TAFA4: variants seen among roughly 807,000 people sequenced by gnomAD.
The protein encoded by TAFA4 is chemokine-like protein TAFA-4.
TAFA4 carries 20 observed loss-of-function variants against 21.1 expected under a neutral mutation model. The observed-to-expected ratio is 0.95, with a 90% CI of 0.67 to 1.38. TAFA4 has a LOEUF of 1.38. Ranked by LOEUF, TAFA4 falls within the 40% of genes most tolerant of loss-of-function variation. The pLI is 0.00. For synonymous variants in TAFA4, 71 were observed against 67.4 expected (o/e 1.05, Z -0.26); for missense variants, 211 against 180.9 (o/e 1.17, Z -0.95).
At chr3:68,841,570 A>T (rs1238488713) in intron 3 of TAFA4, among the ~76,000 whole-genome samples, 1 of 151,710 alleles carries the variant, frequency 6.6e-6, no homozygotes, top group Non-Finnish European at 1.5e-5. Context: ...ATTTTTTTTT[A>T]ATTATACTTT....
At chr3:68,896,372 A>G (rs940836203) in intron 1 of TAFA4, among the ~76,000 whole-genome samples, 6 of 152,154 alleles carry the variant, frequency 3.9e-5, no homozygotes, top group African/African-American at 1.4e-4. Flanking sequence ...TCCAAGCAAG[A>G]GATGGTGATG....
At chr3:68,864,389 A>C (rs1350545433) in intron 3 of TAFA4, among the ~76,000 whole-genome samples, 1 of 152,154 alleles carries the variant, frequency 6.6e-6, no homozygotes, top group African/African-American at 2.4e-5. Flanking sequence ...TTAAATCTGC[A>C]ATATGATATC....
At chr3:68,772,969 T>C (rs1702986234) in intron 3 of TAFA4, among the ~76,000 whole-genome samples, 1 of 152,188 alleles carries the variant, frequency 6.6e-6, no homozygotes, top group Non-Finnish European at 1.5e-5. Context: ...CCAAATGACT[T>C]TTTCTGTTAA....
At chr3:68,881,707 T>C (rs897778412) in intron 2 of TAFA4, among the ~76,000 whole-genome samples, 5 of 152,172 alleles carry the variant, frequency 3.3e-5, no homozygotes, top group Non-Finnish European at 5.9e-5. Context: ...ATTACCACAA[T>C]GGATCAAAGA....
chr3:68,828,355 T>C (rs1704302343), intron 3 of TAFA4, among the ~76,000 whole-genome samples: 1 of 152,228 alleles, frequency 6.6e-6, no homozygotes, highest in African/African-American at 2.4e-5. Flanking sequence ...GTCTTGCCTA[T>C]ACAGGGTCTT....
chr3:68,778,069 A>G (rs1280779608), intron 3 of TAFA4, among the ~76,000 whole-genome samples: 1 of 152,202 alleles, frequency 6.6e-6, no homozygotes, highest in African/African-American at 2.4e-5. Flanking sequence ...TTAAATGTAA[A>G]TCATTTACAC....
intron 3 of TAFA4, among the ~76,000 whole-genome samples, chr3:68,782,933 C>T (rs1468266711): frequency 6.6e-6 from 1 of 152,030 alleles, no homozygotes; most frequent in Admixed American, 6.5e-5. Flanking sequence ...TCATTTCCAG[C>T]AGTATATAAA....
At chr3:68,798,795 TAAAACC>T (rs1352339184) in intron 3 of TAFA4, among the ~76,000 whole-genome samples, 22 of 152,236 alleles carry the variant, frequency 1.4e-4, no homozygotes, top group African/African-American at 5.3e-4. Context: ...ACATACAAGA[TAAAACC>T]ATCAACTAAC....
chr3:68,828,099 G>T (rs955188437), intron 3 of TAFA4, among the ~76,000 whole-genome samples: 3 of 152,028 alleles, frequency 2.0e-5, no homozygotes, highest in Admixed American at 6.6e-5. Context: ...TCTACATATG[G>T]CTAGTTTTCA....
chr3:68,839,977 G>A (rs1487922862), intron 3 of TAFA4, among the ~76,000 whole-genome samples: 2 of 152,180 alleles, frequency 1.3e-5, no homozygotes, highest in Non-Finnish European at 2.9e-5. Context: ...GCTTTAGAGA[G>A]AAATGTGGCT....
intron 3 of TAFA4, among the ~76,000 whole-genome samples, chr3:68,827,339 G>C (rs570881711): frequency 4.6e-5 from 7 of 152,050 alleles, no homozygotes; most frequent in African/African-American, 1.7e-4. Flanking sequence ...AGTGCCACAA[G>C]AAACATATGT....
chr3:68,885,481 G>A, intron 1 of TAFA4, among the ~76,000 whole-genome samples, 171 bp from the exon 2 acceptor site: 1 of 152,080 alleles, frequency 6.6e-6, no homozygotes, highest in Non-Finnish European at 1.5e-5. Context: ...CTATTAGGGA[G>A]GAAAAGATAT....
chr3:68,750,948 A>G (rs532634065), intron 4 of TAFA4, among the ~76,000 whole-genome samples: 1 of 152,324 alleles, frequency 6.6e-6, no homozygotes. Flanking sequence ...AGCTGTTTAC[A>G]TACTAACTGG....
chr3:68,869,370 C>T (rs74787754), intron 3 of TAFA4, among the ~76,000 whole-genome samples: 3,217 of 152,088 alleles, frequency 0.021, 115 homozygotes, highest in African/African-American at 0.073. Flanking sequence ...ACAAGGCCAG[C>T]ATTGCCCTTA....
chr3:68,876,367 G>A (rs1242043126), intron 3 of TAFA4, among the ~76,000 whole-genome samples: 1 of 152,156 alleles, frequency 6.6e-6, no homozygotes. Context: ...TCTGTGTTAA[G>A]TACAATTCAT....
chr3:68,894,668 C>T (rs185648786), intron 1 of TAFA4, among the ~76,000 whole-genome samples: 44 of 152,222 alleles, frequency 2.9e-4, no homozygotes, highest in African/African-American at 1.0e-3. Context: ...ACAGAGTAGG[C>T]CATTCAATAT....
chr3:68,852,731 A>G (rs1304432183), intron 3 of TAFA4, among the ~76,000 whole-genome samples: 1 of 152,196 alleles, frequency 6.6e-6, no homozygotes, highest in Non-Finnish European at 1.5e-5. Flanking sequence ...ATCCTTAGTC[A>G]TTGAAATTCA....
At chr3:68,799,473 C>T (rs1703525451) in intron 3 of TAFA4, among the ~76,000 whole-genome samples, 1 of 152,112 alleles carries the variant, frequency 6.6e-6, no homozygotes, top group Non-Finnish European at 1.5e-5. Flanking sequence ...AGGATTTCAA[C>T]ACATGAATTT....
chr3:68,825,538 T>C lies in TAFA4; in HGVS notation c.130+55192A>G, dbSNP rs1156612933. 2.6e-5 allele frequency among the ~76,000 whole-genome samples: 4 copies of C among 152,270 alleles called. No homozygotes were observed. In the East Asian group the frequency reaches 5.8e-4, roughly 22 times the overall value. The stretch of plus-strand genomic sequence containing the variant: ...TGGCTTTCTGGGGCCTTCACTAGAG[T>C]GTGTGCAGTCACTGAATTTTATTTT... On this transcript the variant is annotated intron_variant, in intron 3 of 5. Coordinates refer to ENST00000295569, the MANE Select transcript of TAFA4 (RefSeq NM_182522.5).
Sources: gnomAD v4.1 joint callset for allele counts (sites outside exome capture counted in the v4.1 genomes callset) on GRCh38, gnomAD v4.1.1 for gene constraint, MANE v1.5 for transcripts, NCBI Gene and HGNC (gene_info 2026-07-23, HGNC 2026-07-21) for gene names.